The following MAN1B1 variants were observed in gnomAD, a reference collection of about 807,000 sequenced individuals.
MAN1B1 encodes mannosidase alpha class 1B member 1.
In MAN1B1, 66 loss-of-function variants were observed where a neutral mutation model predicts 75.5. The ratio of observed to expected loss-of-function variants is 0.87; its 90% CI spans 0.72 to 1.07. MAN1B1 has a LOEUF of 1.07. Among genes scored for constraint, MAN1B1 ranks in the 50% least tolerant of loss-of-function variants. MAN1B1 has a pLI of 0.00. For synonymous variants in MAN1B1, 453 were observed against 382.8 expected, an observed-to-expected ratio of 1.18 and a Z score of -2.14; for missense variants, 973 against 912.5, an observed-to-expected ratio of 1.07 and a Z score of -0.85.
intron 8 of MAN1B1, chr9:137,102,864 G>A: frequency 2.3e-6 from 1 of 430,992 alleles, no homozygotes. Flanking sequence ...GTGCAGGTCG[G>A]TGGTGTTACA....
At chr9:137,099,335 A>G (rs1830743114) in intron 5 of MAN1B1, among the ~76,000 whole-genome samples, 1 of 152,240 alleles carries the variant, frequency 6.6e-6, no homozygotes, top group Admixed American at 6.5e-5. Context: ...GTGCTGTCCC[A>G]GCGCCCTTGG....
At chr9:137,088,657 G>A (rs1274755022) in intron 2 of MAN1B1, 1 of 702,838 alleles carries the variant, frequency 1.4e-6, no homozygotes, top group East Asian at 2.8e-5. Flanking sequence ...CAAAAGATGT[G>A]GGGTTCTGTG....
At position 137,097,034 on chromosome 9, in the gene MAN1B1, C is replaced by T. The variant is rs79641667; in HGVS notation, c.620+643C>T. The stretch of plus-strand genomic sequence containing the variant: ...GCTGTCCGCCGTGAGAGATGGGCTC[C>T]GAAGAAACGGGCCCAGAGGCCCTGA... On this transcript the variant is annotated intron_variant, in intron 4 of 12. Coordinates refer to ENST00000371589, the MANE Select transcript of MAN1B1 (RefSeq NM_016219.5). 3.1e-3 allele frequency among the ~76,000 whole-genome samples: 470 copies of T among 152,278 alleles called. 2 individuals carry two copies. The highest frequency in any genetic ancestry group is 0.011 in the African/African-American group (445 of 41,536).
At chr9:137,096,892 G>A (rs865810747) in intron 4 of MAN1B1, among the ~76,000 whole-genome samples, 1 of 152,250 alleles carries the variant, frequency 6.6e-6, no homozygotes, top group Non-Finnish European at 1.5e-5. Context: ...TAGAAACGGA[G>A]TTGATTGTGG....
In MAN1B1 at chr9:137,087,048, T is replaced by C. The variant is rs769925986; in HGVS notation, c.49T>C (p.Ser17Pro). 41 of 1,604,436 alleles carry C rather than the reference T, an allele frequency of 2.6e-5. No individual in the cohort carries two copies. Among genetic ancestry groups the C allele is most frequent in the Non-Finnish European group, 3.1e-5 (37 of 1,177,250 alleles). ...AAGCGGAGCTCTCGGTTCCTCTCAG[T>C]CGGACTTCCTGACGCCGCCAGTGGG... ...RRSGALGSSQ[S>P]DFLTPPVGGA... Residue 17 changes from serine (S) to proline (P), a missense_variant, in exon 1 of 13, where the codon TCG becomes CCG. Ser to Pro is a moderately conservative substitution (Grantham distance 74, BLOSUM62 -1). Coordinates refer to ENST00000371589, the MANE Select transcript of MAN1B1 (RefSeq NM_016219.5).
chr9:137,106,792 C>CG lies in MAN1B1; in HGVS notation c.1550dup (p.Phe518LeufsTer136). 1.9e-6 allele frequency: 3 copies of CG among 1,613,394 alleles called. No homozygotes were observed. Among genetic ancestry groups the CG allele is most frequent in the Non-Finnish European group, 2.5e-6 (3 of 1,179,992 alleles). On this transcript the variant is annotated frameshift_variant, in exon 10 of 13. Coordinates refer to ENST00000371589, the MANE Select transcript of MAN1B1 (RefSeq NM_016219.5). LOFTEE classifies it high-confidence loss of function. ...CTTTGTGGGGGAGCTTGCCCACGGC[C>CG]GCTTCAGTGCCAAGATGGTGAGTGT...
rs776601946 is a variant in MAN1B1, at chr9:137,101,528, C to G, written c.1110C>G (p.Ser370=). 23 of 1,613,812 alleles carry G rather than the reference C, an allele frequency of 1.4e-5. No individual in the cohort carries two copies. Among genetic ancestry groups the G allele is most frequent in the Admixed American group, 5.0e-5 (3 of 60,004 alleles). ...TAATGCCTGCCTTCAGAACACCATC[C>G]AAGATTCCTTACTCGGATGTGAACA... The part of the protein sequence containing the change: ...NRLMPAFRTP[S]KIPYSDVNIG... Residue 370 remains serine (S), a synonymous_variant, in exon 8 of 13, where the codon TCC becomes TCG. Transcript: ENST00000371589.
rs1831144088 is a variant in MAN1B1, at chr9:137,107,234, G to A, written c.1567-16G>A. On this transcript the variant is annotated splice_polypyrimidine_tract_variant and intron_variant, in intron 10 of 12. Coordinates refer to ENST00000371589, the MANE Select transcript of MAN1B1 (RefSeq NM_016219.5). ...AGGGCCTGGGATCTGGGGCTGAAGA[G>A]ACCCTCTGATTCCAGGACCACCTGG... The A allele has an allele frequency of 1.9e-6, 3 of 1,611,902 alleles. No individual in the cohort carries two copies. Among genetic ancestry groups the A allele is most frequent in the South Asian group, 2.2e-5 (2 of 90,998 alleles).
chr9:137,107,467 A>AGGGTCC lies in MAN1B1; in HGVS notation c.1764+21_1764+26dup. 1 of 1,613,302 alleles carries AGGGTCC rather than the reference A, an allele frequency of 6.2e-7. No individual in the cohort carries two copies. Among genetic ancestry groups the AGGGTCC allele is most frequent in the Non-Finnish European group, 8.5e-7 (1 of 1,179,970 alleles). ...GTCAAGGTGGGCCTGGGCCTGGGTC[A>AGGGTCC]GGGTCCATCAGGAGGAGGGTGCTGG... On this transcript the variant is annotated intron_variant, in intron 11 of 12. Coordinates refer to ENST00000371589, the MANE Select transcript of MAN1B1 (RefSeq NM_016219.5).
chr9:137,098,508 C>T (rs896351016), intron 5 of MAN1B1, among the ~76,000 whole-genome samples: 1 of 152,198 alleles, frequency 6.6e-6, no homozygotes, highest in Non-Finnish European at 1.5e-5. Flanking sequence ...ATCATGCCCC[C>T]CAGGTGTCTC....
chr9:137,091,270 T>C (rs1278345101), intron 3 of MAN1B1, among the ~76,000 whole-genome samples: 1 of 152,188 alleles, frequency 6.6e-6, no homozygotes, highest in African/African-American at 2.4e-5. Flanking sequence ...AAGATGTGTT[T>C]CCACCACTCA....
At chr9:137,101,389 A>G in intron 7 of MAN1B1, 95 bp from the exon 8 acceptor site, 2 of 1,272,500 alleles carry the variant, frequency 1.6e-6, no homozygotes, top group Non-Finnish European at 2.3e-6. Context: ...TTGACCCCAG[A>G]GAGCCTTCAG....
intron 12 of MAN1B1, 194 bp from the exon 13 acceptor site, chr9:137,108,194 G>C: frequency 1.6e-6 from 1 of 632,280 alleles, no homozygotes. Flanking sequence ...GTCACTTGAG[G>C]GTTGTTGGCA....
intron 1 of MAN1B1, 70 bp downstream of exon 1, chr9:137,087,288 G>A (rs906358820): frequency 1.3e-6 from 2 of 1,507,372 alleles, no homozygotes; most frequent in African/African-American, 2.8e-5. Flanking sequence ...CTGCGGCTCC[G>A]AGCGGGACCT....
At chr9:137,097,463 C>G (rs1295586737) in intron 4 of MAN1B1, among the ~76,000 whole-genome samples, 2 of 152,128 alleles carry the variant, frequency 1.3e-5, no homozygotes, top group East Asian at 3.9e-4. Context: ...GTGTGGCCAT[C>G]CTGGCATCTT....
At chr9:137,096,602 G>A (rs934063654) in intron 4 of MAN1B1, among the ~76,000 whole-genome samples, 1 of 152,248 alleles carries the variant, frequency 6.6e-6, no homozygotes, top group Non-Finnish European at 1.5e-5. Flanking sequence ...TGTCCTCATG[G>A]TATGCAGTAA....
intron 4 of MAN1B1, 58 bp downstream of exon 4, chr9:137,096,449 A>G (rs893440350): frequency 3.5e-5 from 55 of 1,583,500 alleles, no homozygotes; most frequent in Middle Eastern, 1.9e-4. Context: ...TCCGAAAAAC[A>G]AGATTGCGGA....
intron 8 of MAN1B1, chr9:137,105,913 T>A: frequency 1.4e-6 from 1 of 690,078 alleles, no homozygotes; most frequent in Non-Finnish European, 2.7e-6. Context: ...GCAGTGACAT[T>A]CAGGTGCGTT....
At chr9:137,097,345 C>T (rs111572868) in intron 4 of MAN1B1, among the ~76,000 whole-genome samples, 167 of 152,276 alleles carry the variant, frequency 1.1e-3, no homozygotes, top group African/African-American at 3.4e-3. Flanking sequence ...GGAGGTTGCG[C>T]GGCAAACCCT....
Sources: allele counts gnomAD v4.1 joint callset (sites outside exome capture counted in the v4.1 genomes callset), GRCh38; gene constraint gnomAD v4.1.1; transcripts MANE v1.5; gene names NCBI Gene and HGNC (gene_info 2026-07-23, HGNC 2026-07-21).